The following RBM27 variants were observed in gnomAD, a reference collection of about 807,000 sequenced individuals.
RBM27 encodes the protein RNA-binding protein 27.
Under a neutral mutation model 135.3 loss-of-function variants are expected in RBM27, and 22 were observed. The observed-to-expected ratio is 0.16, with a 90% CI of 0.12 to 0.23. RBM27 has a LOEUF of 0.23. RBM27 is among the 10% of genes least tolerant of loss of function. The pLI is 1.00. For synonymous variants in RBM27, 481 were observed against 442.4 expected (o/e 1.09, Z -1.10); for missense variants, 1,009 against 1,281.0 (o/e 0.79, Z 3.24).
At chr5:146,240,453 A>G (rs957221975) in intron 8 of RBM27, among the ~76,000 whole-genome samples, 2 of 151,878 alleles carry the variant, frequency 1.3e-5, no homozygotes, top group South Asian at 2.1e-4. Context: ...CAGCTTCCCA[A>G]GTAGCTGGGA....
chr5:146,211,464 C>CGTTTTTTTTTTTTTT (rs1755943585), intron 1 of RBM27, among the ~76,000 whole-genome samples: 1 of 49,904 alleles, frequency 2.0e-5, no homozygotes, highest in Non-Finnish European at 3.7e-5. Flanking sequence ...ATGGTCTTAT[C>CGTTTTTTTTTTTTTT]TTTTTTTTTT....
At chr5:146,279,885 A>G (rs1230507020) in intron 19 of RBM27, among the ~76,000 whole-genome samples, 1 of 151,976 alleles carries the variant, frequency 6.6e-6, no homozygotes, top group Non-Finnish European at 1.5e-5. Flanking sequence ...CTTAAAAGAT[A>G]GTCACTATTC....
rs770571282 is a variant in RBM27, at chr5:146,233,724, C to T, written c.1125C>T (p.Ser375=). Reference sequence around the variant, plus strand: ...AAGGACATGGTCAGCCTCCACCATCCGTTGTGCTTCCCATACCAAGTAAGT... The same window carrying T: ...AAGGACATGGTCAGCCTCCACCATCTGTTGTGCTTCCCATACCAAGTAAGT... The part of the protein sequence containing the change: ...VPQGHGQPPP[S]VVLPIPRPPI... The change falls in exon 7 of 21, where the codon TCC becomes TCT. Residue 375 remains serine (S), a synonymous_variant. Transcript: ENST00000265271. 5.5e-6 allele frequency: 8 copies of T among 1,443,560 alleles called. No individual in the cohort carries two copies. The highest frequency in any genetic ancestry group is 2.9e-5 in the African/African-American group (2 of 69,618). 89.4% of individuals were successfully genotyped at this position (1,443,560 alleles called of 1,614,324 possible).
chr5:146,223,336 T>C, intron 2 of RBM27, 67 bp from the exon 3 acceptor site: 1 of 1,457,914 alleles, frequency 6.9e-7, no homozygotes, highest in Non-Finnish European at 9.2e-7. Context: ...TGAGCTTTGC[T>C]GACAATGTGT....
intron 2 of RBM27, among the ~76,000 whole-genome samples, chr5:146,221,581 G>A (rs1006914056): frequency 3.3e-5 from 5 of 152,104 alleles, no homozygotes; most frequent in African/African-American, 7.2e-5. Context: ...TTATAGGCAT[G>A]TACCACCACA....
intron 8 of RBM27, among the ~76,000 whole-genome samples, chr5:146,251,027 G>A (rs1361977426): frequency 6.6e-6 from 1 of 150,534 alleles, no homozygotes; most frequent in Non-Finnish European, 1.5e-5. Context: ...CACCCACCTC[G>A]GCCTCCCAAA....
intron 1 of RBM27, among the ~76,000 whole-genome samples, chr5:146,207,468 C>T (rs1755738136): frequency 6.6e-6 from 1 of 151,776 alleles, no homozygotes; most frequent in African/African-American, 2.4e-5. Flanking sequence ...CCTGCTTGGC[C>T]TTCCAAAGTG....
Position 146,228,921 on chromosome 5 carries a change from A to ACTTC in RBM27, c.304-24_304-21dup, listed in dbSNP as rs750178042. 3.7e-5 allele frequency: 59 copies of ACTTC among 1,600,776 alleles called. No homozygotes were observed. In the East Asian group the frequency reaches 1.3e-3, roughly 35 times the overall value. On this transcript the variant is annotated intron_variant, in intron 3 of 20. Transcript: ENST00000265271. ...AGCCACCGTGCCTGGCCCTGCTCTT[A>ACTTC]CTTCTACTCAATATTTTCATATAGG...
intron 1 of RBM27, among the ~76,000 whole-genome samples, chr5:146,213,772 A>T (rs1756075913): frequency 6.6e-6 from 1 of 152,224 alleles, no homozygotes; most frequent in Admixed American, 6.5e-5. Context: ...ATTTCATTAA[A>T]AGGGGAAAAA....
intron 14 of RBM27, 117 bp from the exon 15 acceptor site, chr5:146,267,527 AAAAAG>A (rs1758666519): frequency 1.6e-6 from 1 of 628,370 alleles, no homozygotes; most frequent in Non-Finnish European, 2.6e-6. Context: ...TTTTAAATGT[AAAAAG>A]AAAATTTAAC....
intron 1 of RBM27, among the ~76,000 whole-genome samples, chr5:146,208,394 G>A (rs1455775503): frequency 1.3e-5 from 2 of 152,160 alleles, no homozygotes; most frequent in Non-Finnish European, 1.5e-5. Flanking sequence ...ACTTTTATTA[G>A]AGGAAGGACA....
At chr5:146,222,609 A>T (rs1756504657) in intron 2 of RBM27, among the ~76,000 whole-genome samples, 1 of 152,198 alleles carries the variant, frequency 6.6e-6, no homozygotes, top group Admixed American at 6.5e-5. Context: ...ACTTGAACCC[A>T]GGAGGTGGAG....
chr5:146,265,101 T>C (rs1758559577), intron 14 of RBM27, among the ~76,000 whole-genome samples: 2 of 152,248 alleles, frequency 1.3e-5, no homozygotes, highest in Non-Finnish European at 2.9e-5. Context: ...TAAGAATCTA[T>C]GTCAAAGGTA....
chr5:146,236,502 A>G (rs1049730985), intron 7 of RBM27, among the ~76,000 whole-genome samples: 3 of 152,114 alleles, frequency 2.0e-5, no homozygotes, highest in African/African-American at 4.8e-5. Flanking sequence ...AGAACAAGTA[A>G]TGTTCTTTTA....
chr5:146,235,873 G>A (rs1350923126), intron 7 of RBM27, among the ~76,000 whole-genome samples: 2 of 151,880 alleles, frequency 1.3e-5, no homozygotes, highest in African/African-American at 4.8e-5. Context: ...GGACTTTTTT[G>A]TAGAGACAGG....
chr5:146,243,059 A>T lies in RBM27; in HGVS notation c.1279+5627A>T, dbSNP rs1757474962. ...GGCAGGCGGATCACCTGAGGTCAGG[A>T]GTTTGAGACCAGCGTGGTCAACATG... On this transcript the variant is annotated intron_variant, in intron 8 of 20. Coordinates refer to ENST00000265271, the MANE Select transcript of RBM27 (RefSeq NM_018989.2). Among the ~76,000 whole-genome samples, 3 of 151,996 alleles carry T rather than the reference A, an allele frequency of 2.0e-5. No individual in the cohort carries two copies. The South Asian group carries it at 6.2e-4, about 31-fold the overall frequency.
rs575900098 is a variant in RBM27, at chr5:146,254,556, GA to G, written c.1445-380del. Among the ~76,000 whole-genome samples, 897 of 148,202 alleles carry G rather than the reference GA, an allele frequency of 6.1e-3. 8 individuals are homozygous for G. Among genetic ancestry groups the G allele is most frequent in the African/African-American group, 0.021 (844 of 40,232 alleles). On this transcript the variant is annotated intron_variant, in intron 9 of 20. Coordinates refer to ENST00000265271, the MANE Select transcript of RBM27 (RefSeq NM_018989.2). ...CCAACTACAGATCAAAAATATTCAGGAAAAAAATAAAAATAAAAAAAAACCA... is the reference window on the plus strand; with the variant it reads ...CCAACTACAGATCAAAAATATTCAGGAAAAAATAAAAATAAAAAAAAACCA...
intron 6 of RBM27, among the ~76,000 whole-genome samples, chr5:146,232,078 A>T (rs1756957794): frequency 6.6e-6 from 1 of 152,212 alleles, no homozygotes; most frequent in Non-Finnish European, 1.5e-5. Flanking sequence ...AGCTGACAAA[A>T]TGATATGCTT....
intron 1 of RBM27, among the ~76,000 whole-genome samples, chr5:146,207,590 T>TC (rs145509620): frequency 0.068 from 10,394 of 151,968 alleles, 404 homozygotes; most frequent in African/African-American, 0.088. Context: ...AGCTTCCAAT[T>TC]CCCGGGGGAT....
Sources: gnomAD v4.1 joint callset for allele counts (sites outside exome capture counted in the v4.1 genomes callset) on GRCh38, gnomAD v4.1.1 for gene constraint, MANE v1.5 for transcripts, NCBI Gene and HGNC (gene_info 2026-07-23, HGNC 2026-07-21) for gene names.